The following PROM1 variants were observed in gnomAD, a reference collection of about 807,000 sequenced individuals.
The protein encoded by PROM1 is prominin 1.
Under a neutral mutation model 116.9 loss-of-function variants are expected in PROM1, and 105 were observed. The ratio of observed to expected loss-of-function variants is 0.90; its 90% CI spans 0.77 to 1.06. The LOEUF (loss-of-function observed/expected upper bound fraction) is 1.06, where lower values mean the gene tolerates loss of function less well. Ranked by LOEUF, PROM1 falls within the 50% of genes least tolerant of loss-of-function variation. The probability of loss-of-function intolerance (pLI) is 0.00; values close to 1 mark genes in which losing one functional copy is unlikely to be tolerated. For synonymous variants in PROM1, 393 were observed against 387.0 expected, an observed-to-expected ratio of 1.02 and a Z score of -0.18; for missense variants, 1,122 against 1,045.2, an observed-to-expected ratio of 1.07 and a Z score of -1.01.
At chr4:16,036,476 T>A (rs1471733930) in intron 3 of PROM1, among the ~76,000 whole-genome samples, 1 of 152,060 alleles carries the variant, frequency 6.6e-6, no homozygotes, top group African/African-American at 2.4e-5. Context: ...GCCTCTGGGG[T>A]CACACAGGGC....
chr4:16,040,012 C>T (rs990728311), intron 2 of PROM1, among the ~76,000 whole-genome samples: 26 of 152,034 alleles, frequency 1.7e-4, no homozygotes, highest in Non-Finnish European at 8.8e-5. Flanking sequence ...TTCTCCTGTG[C>T]GGGTGCCTTC....
At chr4:15,985,904 T>G in intron 21 of PROM1, 53 bp downstream of exon 21, 1 of 123,528 alleles carries the variant, frequency 8.1e-6, no homozygotes, top group South Asian at 1.2e-4. Context: ...ATTTAATCTG[T>G]AACATTCAAG....
chr4:16,033,606 T>TTC, intron 4 of PROM1, 97 bp from the exon 5 acceptor site: 2 of 1,124,450 alleles, frequency 1.8e-6, no homozygotes, highest in East Asian at 5.3e-5. Context: ...TTTTTTTTTT[T>TTC]TGAGACAGGG....
At chr4:15,993,361 G>A (rs11938689) in intron 16 of PROM1, among the ~76,000 whole-genome samples, 17,819 of 152,170 alleles carry the variant, frequency 0.12, 1,094 homozygotes, top group Middle Eastern at 0.15. Flanking sequence ...CTAGGTTAAC[G>A]GCACCCTAGG....
intron 26 of PROM1, among the ~76,000 whole-genome samples, chr4:15,972,898 C>T (rs919165443): frequency 6.6e-6 from 1 of 152,200 alleles, no homozygotes; most frequent in Non-Finnish European, 1.5e-5. Flanking sequence ...GGGCTCTGAG[C>T]AGCCGGACAA....
intron 25 of PROM1, 102 bp downstream of exon 25, chr4:15,979,779 A>G (rs1717283186): frequency 5.3e-6 from 6 of 1,139,718 alleles, no homozygotes; most frequent in Admixed American, 4.6e-5. Flanking sequence ...CTGTTTCTAC[A>G]TAATTTTAAG....
In PROM1 at chr4:16,018,503, G is replaced by A. The variant is rs754548709; in HGVS notation, c.822C>T (p.Asn274=). 1.4e-5 allele frequency: 22 copies of A among 1,612,154 alleles called. No individual in the cohort carries two copies. The highest frequency in any genetic ancestry group is 1.9e-5 in the Non-Finnish European group (22 of 1,179,596). ...KETKEALENM[N]STLKSLHQQS... ...GTTGGTGCAAGCTCTTCAAGGTGCT[G>A]TTCATGTTCTCCAACGCCTCTTTGG... is the stretch of plus-strand genomic sequence containing the variant. Residue 274 remains asparagine, a synonymous_variant, in exon 9 of 28, where the codon AAC becomes AAT. Coordinates refer to ENST00000447510, the MANE Select transcript of PROM1 (RefSeq NM_006017.3).
chr4:15,971,521 T>C (rs2148974903), intron 26 of PROM1: 1 of 159,820 alleles, frequency 6.3e-6, no homozygotes, highest in South Asian at 1.8e-4. Context: ...GGGTGTAAGA[T>C]CAGGCAGTGC....
chr4:16,048,815 C>T (rs1737162445), intron 2 of PROM1, among the ~76,000 whole-genome samples: 1 of 152,184 alleles, frequency 6.6e-6, no homozygotes, highest in Non-Finnish European at 1.5e-5. Context: ...TCCTGGCAGC[C>T]ATGTGCTCAC....
intron 13 of PROM1, among the ~76,000 whole-genome samples, chr4:16,005,193 C>T (rs1158465721): frequency 6.6e-6 from 1 of 152,040 alleles, no homozygotes; most frequent in African/African-American, 2.4e-5. Context: ...GAACTCCTGG[C>T]CTCAAGTGAT....
At chr4:16,077,347 G>C (rs1414050091) in intron 1 of PROM1, among the ~76,000 whole-genome samples, 4 of 152,170 alleles carry the variant, frequency 2.6e-5, no homozygotes, top group Non-Finnish European at 4.4e-5. Context: ...TCTTTACCTT[G>C]TCTATGATGC....
At chr4:16,058,569 C>A (rs2149498885) in intron 2 of PROM1, among the ~76,000 whole-genome samples, 1 of 151,546 alleles carries the variant, frequency 6.6e-6, no homozygotes. Context: ...ATTGCCTGAA[C>A]CCAGGAGGCA....
At chr4:15,989,900 T>C (rs1007827428) in intron 18 of PROM1, 76 bp from the exon 19 acceptor site, 2 of 1,071,334 alleles carry the variant, frequency 1.9e-6, no homozygotes, top group African/African-American at 1.6e-5. Flanking sequence ...TCAGGGGCCC[T>C]GTGTAGCCAG....
chr4:16,036,500 C>T (rs1212901388), intron 3 of PROM1, among the ~76,000 whole-genome samples: 2 of 152,036 alleles, frequency 1.3e-5, no homozygotes, highest in Non-Finnish European at 2.9e-5. Context: ...TTAAATGATC[C>T]CGGTCTCCCT....
intron 8 of PROM1, among the ~76,000 whole-genome samples, chr4:16,019,215 TCATA>T: frequency 6.6e-6 from 1 of 152,358 alleles, no homozygotes; most frequent in African/African-American, 2.4e-5. Flanking sequence ...GGACACATTC[TCATA>T]CAGAGAGTAC....
At chr4:16,042,130 T>C (rs1423909635) in intron 2 of PROM1, among the ~76,000 whole-genome samples, 1 of 152,076 alleles carries the variant, frequency 6.6e-6, no homozygotes, top group Non-Finnish European at 1.5e-5. Context: ...TTCTCTGAAA[T>C]GAAAGAAGTG....
intron 12 of PROM1, 31 bp downstream of exon 12, chr4:16,008,918 C>G (rs370613559): frequency 6.5e-7 from 1 of 1,533,776 alleles, no homozygotes; most frequent in Admixed American, 1.8e-5. Flanking sequence ...AGTTCACTCT[C>G]GTAGTTCACC....
intron 10 of PROM1, among the ~76,000 whole-genome samples, chr4:16,014,587 T>A (rs1727822601): frequency 6.6e-6 from 1 of 152,194 alleles, no homozygotes; most frequent in Non-Finnish European, 1.5e-5. Flanking sequence ...CAAATATTTT[T>A]TGTGAAAAAT....
chr4:15,986,034 T>C lies in PROM1; in HGVS notation c.2134A>G (p.Arg712Gly). 6.4e-7 allele frequency: 1 copy of C among 1,564,478 alleles called. No homozygotes were observed. The highest frequency in any genetic ancestry group is 8.7e-7 in the Non-Finnish European group (1 of 1,145,438). ...LQRTGNGLLE[R>G]VTRILASLDF... ...AGAGAAGCTAGAATCCTAGTTACTC[T>C]CTCCTGAAAGACACAGCCACAGTTA... Residue 712 changes from arginine (R) to glycine (G), a missense_variant, in exon 21 of 28, where the codon AGA becomes GGA. Physicochemically the swap from Arg to Gly is moderately radical, Grantham distance 125 (BLOSUM62 -2). Transcript: ENST00000447510.
Sources: allele counts gnomAD v4.1 joint callset (sites outside exome capture counted in the v4.1 genomes callset), GRCh38; gene constraint gnomAD v4.1.1; transcripts MANE v1.5; gene names NCBI Gene and HGNC (gene_info 2026-07-23, HGNC 2026-07-21).